Variants in FRMD4B observed in about 807,000 individuals in gnomAD.
FRMD4B encodes the protein FERM domain containing 4B.
Under a neutral mutation model 141.5 loss-of-function variants are expected in FRMD4B, and 74 were observed. The observed-to-expected ratio is 0.52, with a 90% confidence interval of 0.43 to 0.63. The LOEUF is 0.63. FRMD4B is among the 30% of genes least tolerant of loss of function. The pLI, the probability that FRMD4B is intolerant of heterozygous loss-of-function variation, is 0.00. For missense variants in FRMD4B, 1,366 were observed against 1,253.4 expected, an observed-to-expected ratio of 1.09 and a Z score of -1.36; for synonymous variants, 506 against 467.9, an observed-to-expected ratio of 1.08 and a Z score of -1.05.
In FRMD4B at chr3:69,297,304, G is replaced by A. The variant is rs1701064485; in HGVS notation, c.416+5039C>T. Among the ~76,000 whole-genome samples, 3 of 152,120 alleles carry A rather than the reference G, an allele frequency of 2.0e-5. 1 individual carries two copies. Among genetic ancestry groups the A allele is most frequent in the African/African-American group, 7.2e-5 (3 of 41,416 alleles). On this transcript the variant is annotated intron_variant, in intron 4 of 22. Coordinates refer to ENST00000398540, the MANE Select transcript of FRMD4B (RefSeq NM_015123.3). ...ATGTTTGCAGCAATTTTCACCCAGA[G>A]GTAGCAGTCTGCCTCCGGGTTTCCT...
intron 6 of FRMD4B, 22 bp downstream of exon 6, chr3:69,250,021 G>C: frequency 6.5e-7 from 1 of 1,533,632 alleles, no homozygotes; most frequent in Non-Finnish European, 9.0e-7. Context: ...GAGCTGCTAA[G>C]AGGCAGTTTG....
intron 21 of FRMD4B, among the ~76,000 whole-genome samples, chr3:69,177,519 G>A (rs1008618475): frequency 6.6e-6 from 1 of 152,020 alleles, no homozygotes; most frequent in African/African-American, 2.4e-5. Context: ...GCATGGTGGT[G>A]CACACCTGTA....
intron 1 of FRMD4B, among the ~76,000 whole-genome samples, chr3:69,521,858 CA>C (rs1700859773): frequency 6.6e-6 from 1 of 152,210 alleles, no homozygotes; most frequent in Non-Finnish European, 1.5e-5. Flanking sequence ...CTTTCCACAA[CA>C]GCTAATCCAA....
intron 18 of FRMD4B, among the ~76,000 whole-genome samples, chr3:69,188,887 G>A (rs1349377186): frequency 2.0e-5 from 3 of 151,130 alleles, no homozygotes; most frequent in Non-Finnish European, 4.4e-5. Context: ...AGATGACAAA[G>A]AAACACTCTA....
chr3:69,323,646 A>ATG (rs1702091119), intron 1 of FRMD4B, among the ~76,000 whole-genome samples: 1 of 95,662 alleles, frequency 1.0e-5, no homozygotes, highest in South Asian at 3.5e-4. Flanking sequence ...ATATATATAT[A>ATG]TATATATGCG....
chr3:69,172,060 A>C, intron 22 of FRMD4B, 79 bp from the exon 23 acceptor site: 1 of 1,379,296 alleles, frequency 7.3e-7, no homozygotes, highest in Admixed American at 1.9e-5. Flanking sequence ...ACATTTAAAG[A>C]AGTTAGTAGG....
intron 5 of FRMD4B, among the ~76,000 whole-genome samples, chr3:69,287,000 T>C (rs1255103099): frequency 1.3e-5 from 2 of 152,166 alleles, no homozygotes; most frequent in Admixed American, 1.3e-4. Context: ...AGATGGGGTT[T>C]CACTGTGTTG....
chr3:69,370,919 G>C (rs1313622937), intron 1 of FRMD4B, among the ~76,000 whole-genome samples: 1 of 152,230 alleles, frequency 6.6e-6, no homozygotes, highest in Non-Finnish European at 1.5e-5. Context: ...AAGTATTTCT[G>C]AAGCACATTT....
At chr3:69,320,629 C>T (rs1701965417) in intron 1 of FRMD4B, among the ~76,000 whole-genome samples, 2 of 152,112 alleles carry the variant, frequency 1.3e-5, no homozygotes, top group African/African-American at 4.8e-5. Context: ...ATGTGGAGCA[C>T]AATGATTATA....
In FRMD4B at chr3:69,249,717, AT is replaced by A. The variant is rs564669787; in HGVS notation, c.558+325del. ...AGAAAATGTATACAAAAGTTACTAA[AT>A]TTAAATGAAAATTACAGCTGTTGTA... On this transcript the variant is annotated intron_variant, in intron 6 of 22. Coordinates refer to ENST00000398540, the MANE Select transcript of FRMD4B (RefSeq NM_015123.3). Among the ~76,000 whole-genome samples the A allele has an allele frequency of 2.1e-3, 327 of 152,330 alleles. 1 individual carries two copies. The highest frequency in any genetic ancestry group is 0.011 in the Admixed American group (162 of 15,304).
At chr3:69,349,950 C>T (rs1331888430) in intron 1 of FRMD4B, among the ~76,000 whole-genome samples, 4 of 152,110 alleles carry the variant, frequency 2.6e-5, no homozygotes, top group Non-Finnish European at 5.9e-5. Flanking sequence ...AAAGCAATGG[C>T]AACAAAAGCC....
intron 7 of FRMD4B, among the ~76,000 whole-genome samples, chr3:69,246,543 C>T (rs1182406780): frequency 6.6e-6 from 1 of 152,168 alleles, no homozygotes; most frequent in African/African-American, 2.4e-5. Context: ...CCTCTCTATT[C>T]AGGGGAGAAG....
intron 19 of FRMD4B, among the ~76,000 whole-genome samples, chr3:69,185,713 T>C (rs896932155): frequency 6.6e-6 from 1 of 152,100 alleles, no homozygotes; most frequent in East Asian, 1.9e-4. Context: ...ATAAATTACA[T>C]AGAAAAAACA....
chr3:69,489,589 G>A (rs1316982121), intron 1 of FRMD4B, among the ~76,000 whole-genome samples: 1 of 152,150 alleles, frequency 6.6e-6, no homozygotes, highest in Non-Finnish European at 1.5e-5. Flanking sequence ...GATAATAAAT[G>A]TTGGCAAAGA....
At chr3:69,297,483 A>G (rs1701070099) in intron 4 of FRMD4B, among the ~76,000 whole-genome samples, 1 of 152,176 alleles carries the variant, frequency 6.6e-6, no homozygotes, top group South Asian at 2.1e-4. Flanking sequence ...ACCAAATGAA[A>G]TGAAAAACAA....
intron 1 of FRMD4B, among the ~76,000 whole-genome samples, chr3:69,474,932 T>C (rs1365925570): frequency 6.6e-6 from 1 of 152,182 alleles, no homozygotes; most frequent in Non-Finnish European, 1.5e-5. Flanking sequence ...GGTCCAGGAA[T>C]TCTAAAGGCT....
chr3:69,403,676 C>T (rs17005821), intron 2 of FRMD4B, among the ~76,000 whole-genome samples: 5,459 of 152,204 alleles, frequency 0.036, 333 homozygotes, highest in African/African-American at 0.12. Context: ...ATACACCTAA[C>T]GCAATCAGCT....
upstream of FRMD4B, among the ~76,000 whole-genome samples, chr3:69,389,963 C>T (rs1575783922): frequency 6.6e-6 from 1 of 151,610 alleles, no homozygotes; most frequent in South Asian, 2.1e-4. Context: ...GCACAGAGTT[C>T]CCTGCAATAC....
At chr3:69,428,002 C>T (rs1028977035) in intron 2 of FRMD4B, among the ~76,000 whole-genome samples, 1 of 152,044 alleles carries the variant, frequency 6.6e-6, no homozygotes, top group Non-Finnish European at 1.5e-5. Context: ...CAGTTAGAGA[C>T]AAATCATTTA....
Sources: allele counts gnomAD v4.1 joint callset (sites outside exome capture counted in the v4.1 genomes callset), GRCh38; gene constraint gnomAD v4.1.1; transcripts MANE v1.5; gene names NCBI Gene and HGNC (gene_info 2026-07-23, HGNC 2026-07-21).